The following TAOK3 variants were observed in gnomAD, a reference collection of about 807,000 sequenced individuals.
TAOK3 encodes the protein TAO kinase 3.
Under a neutral mutation model 120.4 loss-of-function variants are expected in TAOK3, and 40 were observed. The observed-to-expected ratio is 0.33, with a 90% CI of 0.26 to 0.43. The LOEUF (loss-of-function observed/expected upper bound fraction) is 0.43. Among genes scored for constraint, TAOK3 ranks in the 20% least tolerant of loss-of-function variants. The probability of loss-of-function intolerance (pLI) is 1.00; values close to 1 mark genes in which losing one functional copy is unlikely to be tolerated. For synonymous variants in TAOK3, 355 were observed against 387.5 expected (o/e 0.92, Z 0.99); for missense variants, 821 against 1,112.1 (o/e 0.74, Z 3.72).
chr12:118,269,521 C>T (rs2041612441), intron 1 of TAOK3, among the ~76,000 whole-genome samples: 1 of 151,620 alleles, frequency 6.6e-6, no homozygotes, highest in Non-Finnish European at 1.5e-5. Context: ...CAGGCGTGCA[C>T]CACCACGCCT....
chr12:118,302,975 CA>C (rs1387721766), intron 1 of TAOK3, among the ~76,000 whole-genome samples: 1 of 152,058 alleles, frequency 6.6e-6, no homozygotes, highest in East Asian at 1.9e-4. Context: ...TTGACTCTAC[CA>C]AAAAACCAAA....
At position 118,223,408 on chromosome 12, in the gene TAOK3, G is replaced by A. The variant is rs1286187645; in HGVS notation, c.644-9298C>T. Among the ~76,000 whole-genome samples, 6 of 150,970 alleles carry A rather than the reference G, an allele frequency of 4.0e-5. No homozygotes were observed. In the East Asian group the frequency reaches 5.8e-4, roughly 15 times the overall value. ...GTCGCCCAGGCTGGAGTACAATGGC[G>A]TGATCTTGGCTCGCTGCAATCTCTG... On this transcript the variant is annotated intron_variant, in intron 9 of 20. Transcript: ENST00000392533.
chr12:118,246,788 C>T, intron 3 of TAOK3: 2 of 1,447,598 alleles, frequency 1.4e-6, no homozygotes, highest in South Asian at 1.1e-5. Context: ...CCCTGGGCAA[C>T]TTCGCCAAGG....
chr12:118,287,191 C>A (rs1017197588), intron 1 of TAOK3, among the ~76,000 whole-genome samples: 1 of 152,142 alleles, frequency 6.6e-6, no homozygotes, highest in Non-Finnish European at 1.5e-5. Context: ...CACCAAACAC[C>A]ACCTGTTCCC....
chr12:118,218,096 G>C (rs1017977284), intron 9 of TAOK3, among the ~76,000 whole-genome samples: 1 of 151,312 alleles, frequency 6.6e-6, no homozygotes, highest in Non-Finnish European at 1.5e-5. Flanking sequence ...TCCTGACCTT[G>C]TGATCCGTCC....
At position 118,212,974 on chromosome 12, in the gene TAOK3, A is replaced by G. The variant is rs1168792128; in HGVS notation, c.759T>C (p.Phe253=). The G allele has an allele frequency of 6.2e-7, 1 of 1,612,850 alleles. No individual in the cohort carries two copies. Among genetic ancestry groups the G allele is most frequent in the Non-Finnish European group, 8.5e-7 (1 of 1,179,586 alleles). Residue 253 remains phenylalanine (F), a synonymous_variant, in exon 11 of 21, where the codon TTT becomes TTC. Transcript: ENST00000392533. ...SNEWTDSFRR[F]VDYCLQKIPQ... is the part of the protein sequence containing the mutation. ...GTATTTTCTGCAAGCAGTAATCAAC[A>G]AATCTCCTAAAGGAGTCTGTCCTGT... is the stretch of plus-strand genomic sequence containing the variant.
chr12:118,184,795 GT>G (rs1342475894), intron 14 of TAOK3, among the ~76,000 whole-genome samples: 2 of 152,228 alleles, frequency 1.3e-5, no homozygotes, highest in Non-Finnish European at 2.9e-5. Context: ...AGTGGATTGT[GT>G]GGAGAAAAAC....
chr12:118,233,610 T>A, intron 9 of TAOK3, 64 bp downstream of exon 9: 1 of 1,247,848 alleles, frequency 8.0e-7, no homozygotes, highest in Non-Finnish European at 1.2e-6. Context: ...AAAAATACAA[T>A]GAAAATTCAT....
rs147179623 is a variant in TAOK3, at chr12:118,218,073, G to A, written c.644-3963C>T. ...GACGGGGTTTCACCATATTAGCCAG[G>A]ATGGTCTCGATTTCCTGACCTTGTG... On this transcript the variant is annotated intron_variant, in intron 9 of 20. Transcript: ENST00000392533. 7.1e-3 allele frequency among the ~76,000 whole-genome samples: 1,067 copies of A among 151,032 alleles called. 8 individuals are homozygous for A. The highest frequency in any genetic ancestry group is 0.017 in the Middle Eastern group (5 of 294).
At chr12:118,318,884 T>C (rs1423260521) in intron 1 of TAOK3, among the ~76,000 whole-genome samples, 2 of 152,178 alleles carry the variant, frequency 1.3e-5, no homozygotes, top group African/African-American at 2.4e-5. Flanking sequence ...TGGAATACTA[T>C]TCAGCCTTCA....
intron 17 of TAOK3, among the ~76,000 whole-genome samples, chr12:118,168,957 T>TTGCCTTCCTTCC (rs1300287948): frequency 2.0e-5 from 3 of 147,672 alleles, no homozygotes; most frequent in Admixed American, 6.8e-5. Context: ...GCTTGCTTGC[T>TTGCCTTCCTTCC]TTCCTTCCTT....
intron 13 of TAOK3, among the ~76,000 whole-genome samples, chr12:118,196,050 AAAATAAAT>A (rs200676149): frequency 0.14 from 18,997 of 138,100 alleles, 1,417 homozygotes; most frequent in Non-Finnish European, 0.17. Flanking sequence ...ACTCCATCTC[AAAATAAAT>A]AAATAAATAA....
intron 1 of TAOK3, among the ~76,000 whole-genome samples, chr12:118,273,438 G>C (rs1272659921): frequency 6.6e-6 from 1 of 152,134 alleles, no homozygotes. Flanking sequence ...GGAGGCAGAG[G>C]TTGCAGTGAG....
intron 1 of TAOK3, among the ~76,000 whole-genome samples, chr12:118,280,898 G>C (rs1260946915): frequency 6.6e-6 from 1 of 152,090 alleles, no homozygotes; most frequent in Non-Finnish European, 1.5e-5. Context: ...AGTTCTCATT[G>C]TAGAGATCTT....
chr12:118,262,376 G>A (rs550398965), intron 2 of TAOK3, among the ~76,000 whole-genome samples: 21 of 151,974 alleles, frequency 1.4e-4, no homozygotes, highest in Non-Finnish European at 2.6e-4. Flanking sequence ...CCAGCTACTC[G>A]GGAGGCTGAG....
At chr12:118,364,575 G>T (rs762937655) in intron 1 of TAOK3, among the ~76,000 whole-genome samples, 3 of 152,154 alleles carry the variant, frequency 2.0e-5, no homozygotes, top group Non-Finnish European at 4.4e-5. Context: ...TTAGATACTA[G>T]GAGTAGAACA....
intron 11 of TAOK3, among the ~76,000 whole-genome samples, chr12:118,203,475 C>T (rs1412065389): frequency 1.3e-5 from 2 of 151,952 alleles, no homozygotes; most frequent in African/African-American, 2.4e-5. Flanking sequence ...GAGGCTGAGG[C>T]GGGTGGATTA....
chr12:118,352,523 T>C (rs902098383), intron 1 of TAOK3, among the ~76,000 whole-genome samples: 1 of 151,286 alleles, frequency 6.6e-6, no homozygotes, highest in Non-Finnish European at 1.5e-5. Flanking sequence ...AAAAATCATA[T>C]ATATACACAT....
intron 16 of TAOK3, among the ~76,000 whole-genome samples, chr12:118,176,753 TA>T (rs2036361794): frequency 6.6e-6 from 1 of 152,212 alleles, no homozygotes; most frequent in African/African-American, 2.4e-5. Flanking sequence ...CAATCTGTTT[TA>T]ATAGCATTTT....
Sources: gnomAD v4.1 joint callset for allele counts (sites outside exome capture counted in the v4.1 genomes callset) on GRCh38, gnomAD v4.1.1 for gene constraint, MANE v1.5 for transcripts, NCBI Gene and HGNC (gene_info 2026-07-23, HGNC 2026-07-21) for gene names.